ATXN2: variants seen among roughly 807,000 people sequenced by gnomAD.
ATXN2 encodes ataxin-2.
ATXN2 carries 37 observed loss-of-function variants against 138.6 expected under a neutral mutation model. The ratio of observed to expected loss-of-function variants is 0.27; its 90% CI spans 0.21 to 0.35. The LOEUF (loss-of-function observed/expected upper bound fraction) is 0.35, where lower values mean the gene tolerates loss of function less well. Among genes scored for constraint, ATXN2 ranks in the 10% least tolerant of loss-of-function variants. The pLI is 1.00. For missense variants in ATXN2, 1,216 were observed against 1,480.3 expected, an observed-to-expected ratio of 0.82 and a Z score of 2.93; for synonymous variants, 549 against 543.7, an observed-to-expected ratio of 1.01 and a Z score of -0.13.
intron 14 of ATXN2, among the ~76,000 whole-genome samples, chr12:111,491,906 G>C (rs1369597739): frequency 1.3e-5 from 2 of 151,954 alleles, no homozygotes; most frequent in African/African-American, 4.8e-5. Flanking sequence ...GATTCCTAAA[G>C]CTCCCGATCC....
chr12:111,569,316 A>G (rs1883188780), intron 1 of ATXN2, among the ~76,000 whole-genome samples: 1 of 152,260 alleles, frequency 6.6e-6, no homozygotes, highest in African/African-American at 2.4e-5. Context: ...GTGGAAATTA[A>G]GTAATATTCC....
chr12:111,516,392 T>C lies in ATXN2; in HGVS notation c.1166-29A>G. 2 of 1,512,548 alleles carry C rather than the reference T, an allele frequency of 1.3e-6. No individual in the cohort carries two copies. Among genetic ancestry groups the C allele is most frequent in the Non-Finnish European group, 1.8e-6 (2 of 1,125,556 alleles). 93.7% of individuals were successfully genotyped at this position (1,512,548 alleles called of 1,614,324 possible). On this transcript the variant is annotated intron_variant, in intron 9 of 24. Transcript: ENST00000673436. The surrounding 1 kb of genome is among the most constrained non-coding windows in gnomAD (Gnocchi z 5.0). Reference sequence around the variant, plus strand: ...ACAGAACAAATGATATGAAGGAAAGTATAAAAACTAAAGAAAAAAATGAGG... The same window carrying C: ...ACAGAACAAATGATATGAAGGAAAGCATAAAAACTAAAGAAAAAAATGAGG...
chr12:111,470,838 G>A, intron 18 of ATXN2, 96 bp from the exon 19 acceptor site: 1 of 1,321,816 alleles, frequency 7.6e-7, no homozygotes, highest in Non-Finnish European at 1.1e-6. Context: ...ATTTGACCCT[G>A]AATCTGCGTC....
intron 20 of ATXN2, among the ~76,000 whole-genome samples, chr12:111,466,078 A>C (rs1457921818): frequency 6.6e-6 from 1 of 151,798 alleles, no homozygotes; most frequent in Non-Finnish European, 1.5e-5. Context: ...AGGCAGGAGA[A>C]CTGCTTGAAC....
Position 111,453,052 on chromosome 12 carries a change from A to G in ATXN2, c.3440-212T>C. ...AGTCAGACGTAAAACCACTTCAGAT[A>G]AAACTCCCAGAAGACTTGTTCATGG... On this transcript the variant is annotated intron_variant, in intron 24 of 24. Transcript: ENST00000673436. This position sits in a 1 kb window ranked among gnomAD's most constrained non-coding sequence, Gnocchi z 5.4. 5 of 1,296,546 alleles carry G rather than the reference A, an allele frequency of 3.9e-6. No homozygotes were observed. Among genetic ancestry groups the G allele is most frequent in the Non-Finnish European group, 4.9e-6 (5 of 1,024,506 alleles). The allele number at this position is 1,296,546 out of a possible 1,614,324, so 80.3% of individuals were successfully genotyped here.
intron 1 of ATXN2, among the ~76,000 whole-genome samples, chr12:111,571,264 G>A (rs1237653485): frequency 6.6e-6 from 1 of 152,178 alleles, no homozygotes; most frequent in Non-Finnish European, 1.5e-5. Flanking sequence ...AGGGGATTAG[G>A]ATGCCAAATA....
chr12:111,558,788 C>A lies in ATXN2; in HGVS notation c.252-2869G>T, dbSNP rs183335371. 1.3e-4 allele frequency among the ~76,000 whole-genome samples: 20 copies of A among 152,140 alleles called. No homozygotes were observed. The East Asian group carries it at 3.3e-3, about 25-fold the overall frequency. Reference sequence around the variant, plus strand: ...CTCCAGCATTGGTGACAGAGCAAAACCCTGTCTCAAAAAATAATTAACTAA... The same window carrying A: ...CTCCAGCATTGGTGACAGAGCAAAAACCTGTCTCAAAAAATAATTAACTAA... On this transcript the variant is annotated intron_variant, in intron 1 of 24. Transcript: ENST00000673436.
At chr12:111,564,444 C>G (rs1882875323) in intron 1 of ATXN2, among the ~76,000 whole-genome samples, 1 of 151,446 alleles carries the variant, frequency 6.6e-6, no homozygotes, top group African/African-American at 2.4e-5. Context: ...TTTTATGTTC[C>G]TCAAGAGTTG....
chr12:111,539,451 G>C (rs1336480732), intron 5 of ATXN2, among the ~76,000 whole-genome samples: 1 of 150,000 alleles, frequency 6.7e-6, no homozygotes. Flanking sequence ...AAGTTAAAGA[G>C]AAAGAAAAAA....
Position 111,488,490 on chromosome 12 carries a change from C to G in ATXN2, c.2226G>C (p.Lys742Asn), listed in dbSNP as rs1201602507. Reference protein sequence around the residue: ...CKQEKDDKEEKKDAAEQVRKS... With the variant: ...CKQEKDDKEENKDAAEQVRKS... ...GGTTTACTCACTCAGCTGCGTCTTT[C>G]TTCTCTTCCTTATCGTCTTTCTCTT... The change falls in exon 15 of 25, where the codon AAG becomes AAC. Residue 742 changes from lysine (K) to asparagine (N), a missense_variant. Transcript: ENST00000673436. The G allele has an allele frequency of 1.2e-5, 20 of 1,609,908 alleles. No individual in the cohort carries two copies. The highest frequency in any genetic ancestry group is 1.7e-5 in the Non-Finnish European group (20 of 1,177,584).
chr12:111,516,305 C>G lies in ATXN2; in HGVS notation c.1224G>C (p.Gln408His). 1 of 1,584,026 alleles carries G rather than the reference C, an allele frequency of 6.3e-7. No individual in the cohort carries two copies. Among genetic ancestry groups the G allele is most frequent in the African/African-American group, 1.4e-5 (1 of 72,952 alleles). The change falls in exon 10 of 25, where the codon CAG becomes CAC. Residue 408 changes from glutamine (Q) to histidine (H), a missense_variant. This residue lies in a region of ATXN2 where 401 missense variants were observed against 528.1 expected (regional missense o/e 0.76). Transcript: ENST00000673436. This position sits in a 1 kb window ranked among gnomAD's most constrained non-coding sequence, Gnocchi z 5.0. ...GAGGTGGAAGAGAGTTGGGACCTGA[C>G]TGGTAGCGAGAAGGTGGGCGAGAGG... ...SPSSRPPSRY[Q>H]SGPNSLPPRA...
intron 6 of ATXN2, among the ~76,000 whole-genome samples, chr12:111,523,173 G>C (rs1272421989): frequency 1.3e-5 from 2 of 150,870 alleles, no homozygotes; most frequent in Non-Finnish European, 2.9e-5. Flanking sequence ...TGAGGCAGGA[G>C]AATCGCTTGA....
chr12:111,589,247 G>A (rs770977155), intron 1 of ATXN2, among the ~76,000 whole-genome samples: 22 of 151,054 alleles, frequency 1.5e-4, no homozygotes, highest in African/African-American at 3.9e-4. Context: ...CCTAGGAGGC[G>A]GAGGTTGCAG....
chr12:111,581,437 T>A, intron 1 of ATXN2: 1 of 781,432 alleles, frequency 1.3e-6, no homozygotes, highest in Non-Finnish European at 2.3e-6. Context: ...CCCCTAACTA[T>A]GAGATGCTCA....
chr12:111,481,968 G>A (rs1391321379), intron 18 of ATXN2, among the ~76,000 whole-genome samples: 1 of 151,900 alleles, frequency 6.6e-6, no homozygotes, highest in Non-Finnish European at 1.5e-5. Context: ...AGCCTCATAT[G>A]AAAATTTGTA....
At chr12:111,496,935 T>C (rs1022972972) in intron 14 of ATXN2, among the ~76,000 whole-genome samples, 1 of 151,634 alleles carries the variant, frequency 6.6e-6, no homozygotes, top group Admixed American at 6.6e-5. Flanking sequence ...CAGTAAATTG[T>C]TTTGAAGAGA....
rs1025936096 is a variant in ATXN2 at position 111,598,939 on chromosome 12, C to G, written c.96G>C (p.Ala32=). 9 of 1,512,304 alleles carry G rather than the reference C, an allele frequency of 6.0e-6. No individual in the cohort carries two copies. The highest frequency in any genetic ancestry group is 2.1e-5 in the Admixed American group (1 of 48,672). 93.7% of individuals were successfully genotyped at this position (1,512,304 alleles called of 1,614,324 possible). ...QQQQQQQPPP[A]AANVRKPGGS... Reference sequence around the variant, plus strand: ...CGCCGGGCTTGCGGACATTGGCAGCCGCGGGCGGCGGCTGCTGCTGCTGCT... The same window carrying G: ...CGCCGGGCTTGCGGACATTGGCAGCGGCGGGCGGCGGCTGCTGCTGCTGCT... Residue 32 remains alanine (A), a synonymous_variant, in exon 1 of 25, where the codon GCG becomes GCC. Transcript: ENST00000673436. This position sits in a 1 kb window ranked among gnomAD's most constrained non-coding sequence, Gnocchi z 4.5.
chr12:111,533,510 T>C (rs1880962872), intron 5 of ATXN2, among the ~76,000 whole-genome samples: 1 of 146,586 alleles, frequency 6.8e-6, no homozygotes, highest in African/African-American at 2.8e-5. Context: ...ATTTCCCATA[T>C]AATTTTTTTT....
intron 5 of ATXN2, among the ~76,000 whole-genome samples, chr12:111,549,120 G>C (rs1244536832): frequency 1.3e-5 from 2 of 151,966 alleles, no homozygotes; most frequent in Non-Finnish European, 2.9e-5. Context: ...GCCTCACCCA[G>C]GCTAATTATA....
Sources: gnomAD v4.1 joint callset for allele counts (sites outside exome capture counted in the v4.1 genomes callset) on GRCh38, gnomAD v4.1.1 for gene constraint, gnomAD v4.1.1 regional missense constraint, Gnocchi (gnomAD v3.1) non-coding constraint, MANE v1.5 for transcripts, NCBI Gene and HGNC (gene_info 2026-07-23, HGNC 2026-07-21) for gene names.